Variants in SYNE2 observed in about 807,000 individuals in gnomAD.
The protein encoded by SYNE2 is nesprin-2.
Under a neutral mutation model 856.3 loss-of-function variants are expected in SYNE2, and 431 were observed. That is an observed-to-expected ratio of 0.50 (90% CI 0.47 to 0.55). The LOEUF is 0.55. Among genes scored for constraint, SYNE2 ranks in the 20% least tolerant of loss-of-function variants. SYNE2 has a pLI of 0.00. For synonymous variants in SYNE2, 2,923 were observed against 2,872.3 expected, an observed-to-expected ratio of 1.02 and a Z score of -0.56; for missense variants, 8,129 against 8,023.2, an observed-to-expected ratio of 1.01 and a Z score of -0.50.
chr14:63,783,307 C>A (rs1887389349), intron 1 of SYNE2, among the ~76,000 whole-genome samples: 1 of 152,168 alleles, frequency 6.6e-6, no homozygotes. Flanking sequence ...TTATAAGTTT[C>A]CTGAGGTATC....
At chr14:63,883,147 C>T (rs2094904692) in intron 1 of SYNE2, among the ~76,000 whole-genome samples, 1 of 152,094 alleles carries the variant, frequency 6.6e-6, no homozygotes, top group Admixed American at 6.6e-5. Context: ...CAACCTCTGC[C>T]TCCCAGGTTC....
intron 52 of SYNE2, among the ~76,000 whole-genome samples, chr14:64,073,718 A>T (rs927046914): frequency 2.0e-5 from 3 of 152,228 alleles, no homozygotes; most frequent in African/African-American, 7.2e-5. Context: ...TGTCAGTTAC[A>T]GTGTAAAGTG....
intron 1 of SYNE2, among the ~76,000 whole-genome samples, chr14:63,890,513 C>T (rs936085501): frequency 6.6e-5 from 10 of 152,012 alleles, no homozygotes; most frequent in Non-Finnish European, 1.5e-5. Context: ...ATTTCTATGA[C>T]CCACCTTGAT....
intron 112 of SYNE2, 144 bp downstream of exon 112, chr14:64,221,848 C>T: frequency 9.9e-7 from 1 of 1,006,638 alleles, no homozygotes; most frequent in Non-Finnish European, 1.5e-6. Flanking sequence ...CCCTAGTGTT[C>T]CTCCAGTTGG....
chr14:64,128,358 C>A, intron 73 of SYNE2, 94 bp from the exon 74 acceptor site: 2 of 710,598 alleles, frequency 2.8e-6, no homozygotes, highest in East Asian at 5.3e-5. Flanking sequence ...TTTGAAATTT[C>A]TAGTGTCACA....
intron 111 of SYNE2, 91 bp downstream of exon 111, chr14:64,220,728 C>T (rs1457359506): frequency 4.2e-6 from 6 of 1,432,140 alleles, no homozygotes; most frequent in Non-Finnish European, 5.8e-6. Flanking sequence ...CAGGCTGCTT[C>T]CGTGCAGCCA....
intron 1 of SYNE2, among the ~76,000 whole-genome samples, chr14:63,787,384 C>G (rs1205857738): frequency 6.6e-6 from 1 of 152,186 alleles, no homozygotes; most frequent in African/African-American, 2.4e-5. Context: ...AATCAACTCT[C>G]TACCTCCATG....
intron 1 of SYNE2, among the ~76,000 whole-genome samples, chr14:63,827,648 A>G: frequency 6.8e-6 from 1 of 148,014 alleles, no homozygotes; most frequent in Non-Finnish European, 1.5e-5. Flanking sequence ...AAAAAAAAAA[A>G]AAAAAAAAGA....
intron 1 of SYNE2, among the ~76,000 whole-genome samples, chr14:63,904,597 T>C (rs2095383230): frequency 6.6e-6 from 1 of 152,216 alleles, no homozygotes; most frequent in Admixed American, 6.5e-5. Flanking sequence ...TTCATGTTAG[T>C]TGGCCACTTC....
chr14:63,837,493 A>G (rs35773852), intron 1 of SYNE2, among the ~76,000 whole-genome samples: 9,130 of 152,318 alleles, frequency 0.06, 293 homozygotes, highest in Middle Eastern at 0.099. Context: ...GACATCATCA[A>G]TACAATGAAG....
intron 1 of SYNE2, among the ~76,000 whole-genome samples, chr14:63,908,336 T>G (rs1012487632): frequency 6.6e-6 from 1 of 152,222 alleles, no homozygotes; most frequent in African/African-American, 2.4e-5. Flanking sequence ...CTTTATATTT[T>G]TATATGCTTG....
In SYNE2 at chr14:63,884,818, T is replaced by A. The variant is rs895239300; in HGVS notation, c.-51-24280T>A. Among the ~76,000 whole-genome samples, 6 of 150,838 alleles carry A rather than the reference T, an allele frequency of 4.0e-5. No homozygotes were observed. The East Asian group carries it at 7.7e-4, about 19-fold the overall frequency. On this transcript the variant is annotated intron_variant, in intron 1 of 115. Coordinates refer to ENST00000555002, the MANE Select transcript of SYNE2 (RefSeq NM_182914.3). ...CTTTGAAACATATATATATATATAT[T>A]TTTAGTAGAGATGGGGTTTCACCGG...
intron 2 of SYNE2, 128 bp downstream of exon 2, chr14:63,909,355 A>G: frequency 1.7e-6 from 1 of 588,344 alleles, no homozygotes. Flanking sequence ...CCAACTGTAG[A>G]AACCTTTTAA....
At chr14:64,097,283 A>G (rs1267061642) in intron 61 of SYNE2, among the ~76,000 whole-genome samples, 1 of 152,220 alleles carries the variant, frequency 6.6e-6, no homozygotes, top group Admixed American at 6.5e-5. Flanking sequence ...CCTATTTAGT[A>G]GGAAGATTTT....
At position 63,948,134 on chromosome 14, in the gene SYNE2, C is replaced by T. The variant is rs954825846; in HGVS notation, c.409-1691C>T. 7.6e-5 allele frequency among the ~76,000 whole-genome samples: 11 copies of T among 145,610 alleles called. No homozygotes were observed. In the East Asian group the frequency reaches 8.1e-4, roughly 11 times the overall value. Reference sequence around the variant, plus strand: ...TAACTTGTCAGTTTTCACACGTGTGCGTGCGCGCACATACACACACAGACA... The same window carrying T: ...TAACTTGTCAGTTTTCACACGTGTGTGTGCGCGCACATACACACACAGACA... On this transcript the variant is annotated intron_variant, in intron 6 of 115. Coordinates refer to ENST00000555002, the MANE Select transcript of SYNE2 (RefSeq NM_182914.3).
In SYNE2 at chr14:64,093,439, C is replaced by T. The variant is rs562336595; in HGVS notation, c.12067C>T (p.His4023Tyr). 4.3e-6 allele frequency: 7 copies of T among 1,614,150 alleles called. No individual in the cohort carries two copies. In the South Asian group the frequency reaches 7.7e-5, roughly 18 times the overall value. The change falls in exon 61 of 116, where the codon CAT (histidine) becomes TAT (tyrosine). Residue 4023 changes from histidine (H) to tyrosine (Y), a missense_variant. Physicochemically the swap from His to Tyr is moderately conservative, Grantham distance 83 (BLOSUM62 2). This residue lies in a region of SYNE2 where 5,410 missense variants were observed against 5,284.8 expected (regional missense o/e 1.02). Coordinates refer to ENST00000555002, the MANE Select transcript of SYNE2 (RefSeq NM_182914.3). ...TTATTCAGCTCAGTTCTCCCTTGAA[C>T]ATATGTCACCAGACCAAGCTGACAA... ...NNYSAQFSLE[H>Y]MSPDQADKLP...
At chr14:63,803,412 A>T (rs1420457855) in intron 1 of SYNE2, among the ~76,000 whole-genome samples, 1 of 152,216 alleles carries the variant, frequency 6.6e-6, no homozygotes. Flanking sequence ...CCTGCCCCGC[A>T]GAAAGGCAGC....
intron 1 of SYNE2, among the ~76,000 whole-genome samples, chr14:63,787,433 T>A (rs1394594659): frequency 6.6e-6 from 1 of 152,134 alleles, no homozygotes; most frequent in African/African-American, 2.4e-5. Flanking sequence ...AGTGAAAACA[T>A]GTATTGTCAC....
intron 77 of SYNE2, 80 bp downstream of exon 77, chr14:64,132,518 A>G (rs1595737007): frequency 1.3e-6 from 2 of 1,543,166 alleles, no homozygotes; most frequent in East Asian, 2.3e-5. Context: ...GAGAAGAAGT[A>G]TCTAGTTATC....
Sources: allele counts gnomAD v4.1 joint callset (sites outside exome capture counted in the v4.1 genomes callset), GRCh38; gene constraint gnomAD v4.1.1; regional missense constraint gnomAD v4.1.1; transcripts MANE v1.5; gene names NCBI Gene and HGNC (gene_info 2026-07-23, HGNC 2026-07-21).